Variants in EGFR observed in about 807,000 individuals in gnomAD.
EGFR encodes the protein avian erythroblastic leukemia viral (v-erb-b) oncogene homolog.
Under a neutral mutation model 143.0 loss-of-function variants are expected in EGFR, and 58 were observed. The ratio of observed to expected loss-of-function variants is 0.41; its 90% CI spans 0.33 to 0.50. EGFR has a LOEUF of 0.50. Ranked by LOEUF, EGFR falls within the 20% of genes least tolerant of loss-of-function variation. EGFR has a pLI of 0.39. For synonymous variants in EGFR, 613 were observed against 594.4 expected (o/e 1.03, Z -0.45); for missense variants, 1,307 against 1,579.0 (o/e 0.83, Z 2.92).
intron 1 of EGFR, among the ~76,000 whole-genome samples, chr7:55,069,569 C>G (rs183156239): frequency 6.6e-6 from 1 of 152,306 alleles, no homozygotes; most frequent in African/African-American, 2.4e-5. Context: ...TACTTTACCC[C>G]CAAGACCAGA....
At position 55,152,616 on chromosome 7, in the gene EGFR, CA is replaced by C; in HGVS notation, c.701del (p.Asn234ThrfsTer46). 1 of 1,613,970 alleles carries C rather than the reference CA, an allele frequency of 6.2e-7. No homozygotes were observed. The highest frequency in any genetic ancestry group is 8.5e-7 in the Non-Finnish European group (1 of 1,180,046). On this transcript the variant is annotated frameshift_variant, in exon 6 of 28. Transcript: ENST00000275493. LOFTEE classifies it high-confidence loss of function. ...GCAAGTCCCCCAGTGACTGCTGCCA[CA>C]ACCAGTGTGCTGCAGGCTGCACAGG... ...RGKSPSDCCH[N>X]QCAAGCTGPR...
At chr7:55,133,111 A>G (rs1793948383) in intron 1 of EGFR, among the ~76,000 whole-genome samples, 1 of 152,312 alleles carries the variant, frequency 6.6e-6, no homozygotes, top group South Asian at 2.1e-4. Context: ...GATAGAGGAG[A>G]AAAGGTGTGT....
At position 55,146,697 on chromosome 7, in the gene EGFR, T is replaced by C. The variant is rs2128929567; in HGVS notation, c.516T>C (p.Phe172=). The change falls in exon 4 of 28, where the codon TTT becomes TTC. Residue 172 remains phenylalanine (F), a synonymous_variant. Coordinates refer to ENST00000275493, the MANE Select transcript of EGFR (RefSeq NM_005228.5). ...GGCGGGACATAGTCAGCAGTGACTT[T>C]CTCAGCAACATGTCGATGGACTTCC... ...IQWRDIVSSD[F]LSNMSMDFQN... 1 of 1,614,202 alleles carries C rather than the reference T, an allele frequency of 6.2e-7. No individual in the cohort carries two copies. Among genetic ancestry groups the C allele is most frequent in the Non-Finnish European group, 8.5e-7 (1 of 1,180,028 alleles).
intron 1 of EGFR, among the ~76,000 whole-genome samples, chr7:55,066,457 GC>G (rs1478656883): frequency 6.6e-6 from 1 of 152,182 alleles, no homozygotes; most frequent in East Asian, 1.9e-4. Flanking sequence ...TCCGGCCAGG[GC>G]TACCGTCAGC....
chr7:55,110,042 C>T (rs1376274371), intron 1 of EGFR: 1 of 714,694 alleles, frequency 1.4e-6, no homozygotes, highest in African/African-American at 1.9e-5. Flanking sequence ...TATGAGGCAT[C>T]ACATGATGAG....
intron 1 of EGFR, among the ~76,000 whole-genome samples, chr7:55,103,132 T>C (rs1791921698): frequency 6.6e-6 from 1 of 152,200 alleles, no homozygotes; most frequent in Non-Finnish European, 1.5e-5. Flanking sequence ...GTTTCAGTAT[T>C]TTCTTCCTCA....
intron 4 of EGFR, 89 bp downstream of exon 4, chr7:55,146,829 G>T (rs1794791813): frequency 1.3e-6 from 2 of 1,565,788 alleles, no homozygotes; most frequent in Non-Finnish European, 1.7e-6. Flanking sequence ...GCCATGTTTA[G>T]TAAGTCACAT....
intron 27 of EGFR, among the ~76,000 whole-genome samples, chr7:55,203,690 CACAT>C (rs1787975000): frequency 6.7e-6 from 1 of 148,226 alleles, no homozygotes; most frequent in South Asian, 2.2e-4. Flanking sequence ...ACACACACCA[CACAT>C]ACACGCACCA....
Position 55,064,308 on chromosome 7 carries a change from G to A in EGFR, c.88+44943G>A, listed in dbSNP as rs17289169. On this transcript the variant is annotated intron_variant, in intron 1 of 27. Coordinates refer to ENST00000275493, the MANE Select transcript of EGFR (RefSeq NM_005228.5). ...TCCCCACTAGAAGCCAATTATGCAA[G>A]CTTCACCATTCACACATGGAAAATA... 9.8e-3 allele frequency among the ~76,000 whole-genome samples: 1,495 copies of A among 152,306 alleles called. 20 individuals are homozygous for A. Among genetic ancestry groups the A allele is most frequent in the African/African-American group, 0.035 (1,434 of 41,542 alleles).
chr7:55,146,764 T>C (rs2128929727), intron 4 of EGFR, 24 bp downstream of exon 4: 5 of 1,614,068 alleles, frequency 3.1e-6, no homozygotes, highest in Non-Finnish European at 4.2e-6. Flanking sequence ...ACACACTATC[T>C]CTGCCTCCAG....
At chr7:55,151,205 T>G in intron 4 of EGFR, 89 bp from the exon 5 acceptor site, 2 of 1,258,292 alleles carry the variant, frequency 1.6e-6, no homozygotes, top group Non-Finnish European at 2.3e-6. Context: ...TCTTCATTTA[T>G]TGAATGTGCT....
chr7:55,112,386 C>G (rs1234329538), intron 1 of EGFR, among the ~76,000 whole-genome samples: 2 of 152,272 alleles, frequency 1.3e-5, no homozygotes, highest in African/African-American at 4.8e-5. Flanking sequence ...ACTGAGGCAG[C>G]TGCCCGGGGT....
At position 55,155,869 on chromosome 7, in the gene EGFR, C is replaced by A. The variant is rs1785385813; in HGVS notation, c.929C>A (p.Ala310Asp). The stretch of plus-strand genomic sequence containing the variant: ...ACAGATCACGGCTCGTGCGTCCGAG[C>A]CTGTGGGGCCGACAGCTATGAGATG... ...VVTDHGSCVR[A>D]CGADSYEMEE... Residue 310 changes from alanine (A) to aspartate (D), a missense_variant, in exon 8 of 28, where the codon GCC becomes GAC. Around this residue, in one of 7 missense-constraint regions of EGFR, gnomAD observed 311 missense variants for 412.3 expected, o/e 0.75. Coordinates refer to ENST00000275493, the MANE Select transcript of EGFR (RefSeq NM_005228.5). 1.2e-6 allele frequency: 2 copies of A among 1,614,046 alleles called. No homozygotes were observed. The highest frequency in any genetic ancestry group is 1.7e-6 in the Non-Finnish European group (2 of 1,180,026).
chr7:55,129,436 A>C (rs564373628), intron 1 of EGFR, among the ~76,000 whole-genome samples: 1 of 152,272 alleles, frequency 6.6e-6, no homozygotes, highest in Non-Finnish European at 1.5e-5. Flanking sequence ...TCAGCTTAAC[A>C]TAAGGAACAA....
At chr7:55,188,324 G>A (rs537840156) in intron 20 of EGFR, among the ~76,000 whole-genome samples, 4 of 151,986 alleles carry the variant, frequency 2.6e-5, no homozygotes, top group South Asian at 2.1e-4. Flanking sequence ...CCCAAGACTC[G>A]TGGGGTGCGG....
At chr7:55,120,062 T>G (rs1316028786) in intron 1 of EGFR, among the ~76,000 whole-genome samples, 2 of 152,248 alleles carry the variant, frequency 1.3e-5, no homozygotes, top group Non-Finnish European at 2.9e-5. Flanking sequence ...AAAACCTTCC[T>G]GTTTTTTGCA....
chr7:55,027,017 G>T (rs753174966), intron 1 of EGFR, among the ~76,000 whole-genome samples: 2 of 152,184 alleles, frequency 1.3e-5, no homozygotes, highest in Non-Finnish European at 2.9e-5. Flanking sequence ...GCCCCGGTCT[G>T]TGCACACAAG....
chr7:55,201,223 C>T lies in EGFR; in HGVS notation c.2982C>T (p.Asp994=), dbSNP rs2293347. Residue 994 remains aspartate, a synonymous_variant, in exon 25 of 28, where the codon GAC becomes GAT. Transcript: ENST00000275493. ...GAATGCATTTGCCAAGTCCTACAGA[C>T]TCCAACTTCTACCGTGCCCTGATGG... The part of the protein sequence containing the change: ...DERMHLPSPT[D]SNFYRALMDE... The T allele has an allele frequency of 0.12, 187,260 of 1,614,064 alleles. 13,235 individuals are homozygous for T. Among genetic ancestry groups the T allele is most frequent in the East Asian group, 0.31 (13,771 of 44,852 alleles).
In EGFR at chr7:55,205,645, A is replaced by C. The variant is rs756092312; in HGVS notation, c.*28A>C. ...ACGGAGGATAGTATGAGCCCTAAAAATCCAGACTCTTTCGATACCCAGGAC... is the reference window on the plus strand; with the variant it reads ...ACGGAGGATAGTATGAGCCCTAAAACTCCAGACTCTTTCGATACCCAGGAC... On this transcript the variant is annotated 3_prime_UTR_variant, in exon 28 of 28. Coordinates refer to ENST00000275493, the MANE Select transcript of EGFR (RefSeq NM_005228.5). 23 of 1,613,982 alleles carry C rather than the reference A, an allele frequency of 1.4e-5. No homozygotes were observed. The Admixed American group carries it at 2.3e-4, about 16-fold the overall frequency.
Sources: allele counts gnomAD v4.1 joint callset (sites outside exome capture counted in the v4.1 genomes callset), GRCh38; gene constraint gnomAD v4.1.1; regional missense constraint gnomAD v4.1.1; transcripts MANE v1.5; gene names NCBI Gene and HGNC (gene_info 2026-07-23, HGNC 2026-07-21).